Variants in PHF20L1 observed in about 807,000 individuals in gnomAD.
PHF20L1 encodes PHD finger protein 20-like protein 1.
Under a neutral mutation model 125.5 loss-of-function variants are expected in PHF20L1, and 44 were observed. The observed-to-expected ratio is 0.35, with a 90% confidence interval of 0.28 to 0.45. The LOEUF (loss-of-function observed/expected upper bound fraction) is 0.45, where lower values mean the gene tolerates loss of function less well. Ranked by LOEUF, PHF20L1 falls within the 20% of genes least tolerant of loss-of-function variation. The pLI is 1.00. For synonymous variants in PHF20L1, 380 were observed against 403.1 expected (o/e 0.94, Z 0.69); for missense variants, 1,012 against 1,217.2 (o/e 0.83, Z 2.51).
At chr8:132,795,231 A>C (rs1832247206) in intron 4 of PHF20L1, among the ~76,000 whole-genome samples, 1 of 152,128 alleles carries the variant, frequency 6.6e-6, no homozygotes. Flanking sequence ...TTTCTGAGGA[A>C]AGAGTATGGA....
Position 132,816,873 on chromosome 8 carries a change from A to G in PHF20L1, c.1184-15A>G. The stretch of plus-strand genomic sequence containing the variant: ...GTATGTATCTGCTTCGTGAACATTG[A>G]AGATCTTTTTCTAGGTCCTCCACAG... On this transcript the variant is annotated splice_polypyrimidine_tract_variant and intron_variant, in intron 10 of 20. Coordinates refer to ENST00000395386, the MANE Select transcript of PHF20L1 (RefSeq NM_016018.5). The G allele has an allele frequency of 6.3e-7, 1 of 1,583,272 alleles. No homozygotes were observed. Among genetic ancestry groups the G allele is most frequent in the Non-Finnish European group, 8.7e-7 (1 of 1,153,550 alleles).
chr8:132,781,863 G>C (rs1830468582), intron 2 of PHF20L1, among the ~76,000 whole-genome samples: 1 of 152,186 alleles, frequency 6.6e-6, no homozygotes, highest in South Asian at 2.1e-4. Context: ...CTTAGTCCCA[G>C]TATTTGCTTT....
chr8:132,838,928 CATGAAGGAT>C (rs1222193649), intron 17 of PHF20L1, among the ~76,000 whole-genome samples: 1 of 152,098 alleles, frequency 6.6e-6, no homozygotes, highest in Non-Finnish European at 1.5e-5. Flanking sequence ...TTTATATTAA[CATGAAGGAT>C]ATGGAATTTC....
intron 14 of PHF20L1, among the ~76,000 whole-genome samples, chr8:132,827,486 A>G (rs1025209065): frequency 1.3e-5 from 2 of 152,032 alleles, no homozygotes; most frequent in Admixed American, 1.3e-4. Flanking sequence ...TTCTGTTCTG[A>G]TATTTAGTAG....
intron 6 of PHF20L1, among the ~76,000 whole-genome samples, chr8:132,800,580 A>T (rs1338849789): frequency 6.6e-6 from 1 of 151,722 alleles, no homozygotes; most frequent in Non-Finnish European, 1.5e-5. Flanking sequence ...TAATTTTTAA[A>T]TTAAGCTAGC....
chr8:132,832,065 G>A (rs894868601), intron 14 of PHF20L1, among the ~76,000 whole-genome samples, 170 bp from the exon 15 acceptor site: 6 of 152,018 alleles, frequency 3.9e-5, no homozygotes, highest in Non-Finnish European at 7.4e-5. Context: ...TTTCCCAAGT[G>A]TTCTTGCTAA....
chr8:132,847,587 T>C lies in PHF20L1; in HGVS notation c.*1664T>C, dbSNP rs1173037777. Reference sequence around the variant, plus strand: ...TGTATTAAAACTATTCCACATATCCTAAAATTTCAGCTTGCCTTTTTGCGG... The same window carrying C: ...TGTATTAAAACTATTCCACATATCCCAAAATTTCAGCTTGCCTTTTTGCGG... On this transcript the variant is annotated 3_prime_UTR_variant, in exon 21 of 21. Coordinates refer to ENST00000395386, the MANE Select transcript of PHF20L1 (RefSeq NM_016018.5). 1.3e-5 allele frequency: 2 copies of C among 152,604 alleles called. No homozygotes were observed. The highest frequency in any genetic ancestry group is 4.8e-5 in the African/African-American group (2 of 41,454). The allele number at this position is 152,604 out of a possible 1,614,324, so 9.5% of individuals were successfully genotyped here.
chr8:132,821,481 A>G (rs1214541607), intron 12 of PHF20L1, among the ~76,000 whole-genome samples: 1 of 151,812 alleles, frequency 6.6e-6, no homozygotes, highest in Non-Finnish European at 1.5e-5. Context: ...TCAACTTTAC[A>G]TTTACTATTT....
intron 16 of PHF20L1, among the ~76,000 whole-genome samples, 177 bp from the exon 17 acceptor site, chr8:132,837,535 T>G (rs1460563190): frequency 2.6e-5 from 4 of 152,152 alleles, no homozygotes; most frequent in African/African-American, 9.6e-5. Context: ...AGTTGACCAT[T>G]TCAAAGATAA....
intron 2 of PHF20L1, among the ~76,000 whole-genome samples, chr8:132,781,582 C>T (rs910565224): frequency 6.6e-6 from 1 of 152,006 alleles, no homozygotes. Flanking sequence ...GCGCACGCCA[C>T]CATGCCCAGC....
intron 2 of PHF20L1, chr8:132,788,826 G>T (rs911635929): frequency 5.9e-5 from 9 of 152,082 alleles, no homozygotes; most frequent in African/African-American, 1.7e-4. Flanking sequence ...CTGACAGTTT[G>T]AGTTAATAAA....
chr8:132,812,023 A>G (rs1802880329), intron 9 of PHF20L1: 4 of 983,952 alleles, frequency 4.1e-6, no homozygotes, highest in South Asian at 9.4e-5. Flanking sequence ...GCCTGATTTG[A>G]TAACAATGCG....
intron 12 of PHF20L1, among the ~76,000 whole-genome samples, chr8:132,819,575 T>A (rs1314840346): frequency 6.6e-6 from 1 of 151,706 alleles, no homozygotes; most frequent in Non-Finnish European, 1.5e-5. Flanking sequence ...CCTTAACCTT[T>A]TTGTTATTCA....
At chr8:132,845,011 C>T (rs1477523165) in intron 20 of PHF20L1, among the ~76,000 whole-genome samples, 1 of 151,986 alleles carries the variant, frequency 6.6e-6, no homozygotes, top group Non-Finnish European at 1.5e-5. Context: ...AGAGCTCCTA[C>T]TCCTTTTTTT....
At chr8:132,810,964 A>C (rs761787328) in intron 8 of PHF20L1, 82 bp from the exon 9 acceptor site, 8 of 832,886 alleles carry the variant, frequency 9.6e-6, no homozygotes, top group African/African-American at 1.7e-5. Flanking sequence ...GGAAATTTCA[A>C]CTGCTAAGAT....
rs2472537 is a variant in PHF20L1 at position 132,848,400 on chromosome 8, G to A, written c.*2477G>A. On this transcript the variant is annotated 3_prime_UTR_variant, in exon 21 of 21. Transcript: ENST00000395386. ...GAGTGAATTAGTTTCTGAGAAGTCA[G>A]TCTATTGTGAAAAGTTTCAGATGAG... The A allele has an allele frequency of 0.83, 126,733 of 152,508 alleles. 53,002 individuals carry two copies. Among genetic ancestry groups the A allele is most frequent in the East Asian group, 0.95 (4,927 of 5,184 alleles). 9.4% of individuals were successfully genotyped at this position (152,508 alleles called of 1,614,324 possible). A position where few individuals can be genotyped will look rare whatever the true frequency, so the allele number is the denominator to read the frequency against.
At chr8:132,794,385 T>A in intron 2 of PHF20L1, 25 bp from the exon 3 acceptor site, 1 of 1,476,056 alleles carries the variant, frequency 6.8e-7, no homozygotes, top group Non-Finnish European at 9.5e-7. Flanking sequence ...ATTTTCTCTT[T>A]ATATGAAGCA....
intron 2 of PHF20L1, among the ~76,000 whole-genome samples, chr8:132,782,729 C>CA (rs1830574405): frequency 6.6e-6 from 1 of 151,986 alleles, no homozygotes; most frequent in African/African-American, 2.4e-5. Flanking sequence ...GCTGGGACTA[C>CA]AGGCGTATGC....
At chr8:132,791,582 A>G (rs912187076) in intron 2 of PHF20L1, among the ~76,000 whole-genome samples, 6 of 152,138 alleles carry the variant, frequency 3.9e-5, no homozygotes, top group African/African-American at 1.2e-4. Flanking sequence ...TTATGTACCA[A>G]TAGTGCCTAG....
Sources: gnomAD v4.1 joint callset for allele counts (sites outside exome capture counted in the v4.1 genomes callset) on GRCh38, gnomAD v4.1.1 for gene constraint, MANE v1.5 for transcripts, NCBI Gene and HGNC (gene_info 2026-07-23, HGNC 2026-07-21) for gene names.